The following RPS6KA5 variants were observed in gnomAD, a reference collection of about 807,000 sequenced individuals.
RPS6KA5 encodes ribosomal protein S6 kinase alpha-5.
A neutral mutation model predicts 85.5 loss-of-function variants in RPS6KA5; 27 were observed. The ratio of observed to expected loss-of-function variants is 0.32; its 90% CI spans 0.23 to 0.44. RPS6KA5 has a LOEUF of 0.44. Ranked by LOEUF, RPS6KA5 falls within the 20% of genes least tolerant of loss-of-function variation. The pLI is 1.00. For missense variants in RPS6KA5, 811 were observed against 980.9 expected (o/e 0.83, Z 2.31); for synonymous variants, 334 against 348.2 (o/e 0.96, Z 0.46).
At chr14:90,975,709 A>T (rs898027309) in intron 3 of RPS6KA5, among the ~76,000 whole-genome samples, 7 of 152,254 alleles carry the variant, frequency 4.6e-5, no homozygotes, top group African/African-American at 1.7e-4. Flanking sequence ...GTATAGCACG[A>T]TATTTGGGAA....
At chr14:91,060,310 G>A (rs775520595) in intron 1 of RPS6KA5, 22 bp downstream of exon 1, 4 of 1,242,124 alleles carry the variant, frequency 3.2e-6, no homozygotes, top group African/African-American at 1.6e-5. Flanking sequence ...GGGCCCGGCC[G>A]GCAGAGGGCG....
At chr14:90,998,778 T>C (rs538799472) in intron 2 of RPS6KA5, among the ~76,000 whole-genome samples, 2 of 152,308 alleles carry the variant, frequency 1.3e-5, no homozygotes, top group South Asian at 2.1e-4. Context: ...TTGATGGGAA[T>C]AAACTATTCA....
At chr14:90,937,197 T>A (rs1009192009) in intron 5 of RPS6KA5, among the ~76,000 whole-genome samples, 1 of 151,906 alleles carries the variant, frequency 6.6e-6, no homozygotes, top group Non-Finnish European at 1.5e-5. Context: ...TACCAGGCAG[T>A]CAAATAAAGT....
At chr14:90,883,709 G>A (rs1162346865) in intron 14 of RPS6KA5, among the ~76,000 whole-genome samples, 1 of 152,084 alleles carries the variant, frequency 6.6e-6, no homozygotes, top group Non-Finnish European at 1.5e-5. Context: ...GATTCTTGTT[G>A]AAAATGGGAC....
chr14:90,867,769 A>T lies in RPS6KA5; in HGVS notation c.*4305T>A, dbSNP rs757621063. 1.3e-5 allele frequency: 2 copies of T among 152,210 alleles called. No individual in the cohort carries two copies. Among genetic ancestry groups the T allele is most frequent in the Non-Finnish European group, 1.5e-5 (1 of 68,016 alleles). The allele number at this position is 152,210 out of a possible 1,614,324, so 9.4% of individuals were successfully genotyped here. Reference sequence around the variant, plus strand: ...AGGGTGAAGAAACCAAGACACAAACATTTGGAAGCCACTTTAGTTTCTTAT... The same window carrying T: ...AGGGTGAAGAAACCAAGACACAAACTTTTGGAAGCCACTTTAGTTTCTTAT... On this transcript the variant is annotated 3_prime_UTR_variant, in exon 17 of 17. Coordinates refer to ENST00000614987, the MANE Select transcript of RPS6KA5 (RefSeq NM_004755.4).
chr14:91,033,079 C>T (rs1595517613), intron 1 of RPS6KA5, among the ~76,000 whole-genome samples: 1 of 151,282 alleles, frequency 6.6e-6, no homozygotes, highest in Admixed American at 6.6e-5. Context: ...CCCAGCTACT[C>T]GGGAGGCTGA....
At chr14:90,930,365 T>G (rs1035731644) in intron 5 of RPS6KA5, among the ~76,000 whole-genome samples, 4 of 152,196 alleles carry the variant, frequency 2.6e-5, no homozygotes, top group African/African-American at 9.7e-5. Context: ...ATTGGGTTAT[T>G]TGTATTAAAA....
chr14:90,893,547 C>T (rs1481220564), intron 13 of RPS6KA5, among the ~76,000 whole-genome samples: 3 of 151,958 alleles, frequency 2.0e-5, no homozygotes, highest in Non-Finnish European at 2.9e-5. Context: ...AAAAATAGTG[C>T]TTTTAGAGAA....
At chr14:90,934,850 A>C (rs752724270) in intron 5 of RPS6KA5, among the ~76,000 whole-genome samples, 2 of 152,186 alleles carry the variant, frequency 1.3e-5, no homozygotes, top group African/African-American at 2.4e-5. Flanking sequence ...GCTCAAGCTA[A>C]TGTGTTGGCA....
Position 90,951,474 on chromosome 14 carries a change from C to T in RPS6KA5, c.395-3924G>A, listed in dbSNP as rs2038185167. The stretch of plus-strand genomic sequence containing the variant: ...TGGGCGACAGAGTGAGACTCCATCT[C>T]AACAACAAAAAAACAAAAAACAAAA... On this transcript the variant is annotated intron_variant, in intron 3 of 16. Coordinates refer to ENST00000614987, the MANE Select transcript of RPS6KA5 (RefSeq NM_004755.4). Among the ~76,000 whole-genome samples the T allele has an allele frequency of 3.3e-5, 5 of 151,874 alleles. No homozygotes were observed. The South Asian group carries it at 1.0e-3, about 32-fold the overall frequency.
chr14:91,034,181 T>C (rs1473099124), intron 1 of RPS6KA5, among the ~76,000 whole-genome samples: 3 of 151,924 alleles, frequency 2.0e-5, no homozygotes, highest in African/African-American at 7.3e-5. Flanking sequence ...GATATACACC[T>C]GTAGTCCCAG....
chr14:90,952,321 T>C (rs141849972), intron 3 of RPS6KA5, among the ~76,000 whole-genome samples: 1 of 152,354 alleles, frequency 6.6e-6, no homozygotes, highest in East Asian at 1.9e-4. Flanking sequence ...AAAAGTACAA[T>C]GTTGGTTCGA....
At chr14:90,932,712 T>C (rs189890990) in intron 5 of RPS6KA5, among the ~76,000 whole-genome samples, 3 of 152,332 alleles carry the variant, frequency 2.0e-5, no homozygotes, top group Admixed American at 6.5e-5. Flanking sequence ...CTGACCATGC[T>C]ACTCGTTAAG....
At chr14:90,903,157 T>G (rs1474221457) in intron 8 of RPS6KA5, among the ~76,000 whole-genome samples, 188 bp from the exon 9 acceptor site, 2 of 152,172 alleles carry the variant, frequency 1.3e-5, no homozygotes, top group East Asian at 3.8e-4. Context: ...CTCCAACCAA[T>G]GCTGTGCCTC....
chr14:90,875,508 T>C lies in RPS6KA5; in HGVS notation c.1837-148A>G, dbSNP rs534400254. On this transcript the variant is annotated intron_variant, in intron 14 of 16. Coordinates refer to ENST00000614987, the MANE Select transcript of RPS6KA5 (RefSeq NM_004755.4). ...AAAAGATTACGTGATTCCTCAGGGA[T>C]CTAGAACTAGAAATACCATTTGACC... 3 of 703,062 alleles carry C rather than the reference T, an allele frequency of 4.3e-6. No individual in the cohort carries two copies. The South Asian group carries it at 6.5e-5, about 15-fold the overall frequency. The allele number at this position is 703,062 out of a possible 1,614,324, so 43.6% of individuals were successfully genotyped here.
intron 3 of RPS6KA5, among the ~76,000 whole-genome samples, chr14:90,976,218 AAAAAG>A (rs2039564304): frequency 6.6e-6 from 1 of 151,354 alleles, no homozygotes; most frequent in Admixed American, 6.6e-5. Context: ...AAAAAAAAAA[AAAAAG>A]AGAGGAGACA....
At chr14:90,886,615 G>A (rs1042805112) in intron 14 of RPS6KA5, among the ~76,000 whole-genome samples, 26 of 152,196 alleles carry the variant, frequency 1.7e-4, no homozygotes, top group Non-Finnish European at 3.1e-4. Flanking sequence ...ACAACAAGCA[G>A]GTGGCCATCT....
intron 1 of RPS6KA5, among the ~76,000 whole-genome samples, chr14:91,028,972 CA>C (rs1482579800): frequency 2.0e-4 from 31 of 152,148 alleles, no homozygotes; most frequent in African/African-American, 7.5e-4. Context: ...GTAGTAAACA[CA>C]AAGAAAAATA....
In RPS6KA5 at chr14:90,948,571, T is replaced by A. The variant is rs1595301664; in HGVS notation, c.395-1021A>T. ...TTAATCGGGCGTGGTGGCAGTTGCC[T>A]GTAGTCCCAGCTACTTGAGAGGCTG... is the stretch of plus-strand genomic sequence containing the variant. On this transcript the variant is annotated intron_variant, in intron 3 of 16. Transcript: ENST00000614987. Among the ~76,000 whole-genome samples the A allele has an allele frequency of 2.0e-5, 3 of 152,196 alleles. No individual in the cohort carries two copies. The Middle Eastern group carries it at 0.01, about 518-fold the overall frequency.
Sources: gnomAD v4.1 joint callset for allele counts (sites outside exome capture counted in the v4.1 genomes callset) on GRCh38, gnomAD v4.1.1 for gene constraint, MANE v1.5 for transcripts, NCBI Gene and HGNC (gene_info 2026-07-23, HGNC 2026-07-21) for gene names.